The following TACC2 variants were observed in gnomAD, a reference collection of about 807,000 sequenced individuals.
The protein encoded by TACC2 is transforming acidic coiled-coil containing protein 2, also known as transforming acidic coiled-coil-containing protein 2.
A neutral mutation model predicts 227.3 loss-of-function variants in TACC2; 137 were observed. The ratio of observed to expected loss-of-function variants is 0.60; its 90% CI spans 0.52 to 0.69. TACC2 has a LOEUF of 0.69. Ranked by LOEUF, TACC2 falls within the 30% of genes least tolerant of loss-of-function variation. The probability of loss-of-function intolerance (pLI) is 0.00; values close to 1 mark genes in which losing one functional copy is unlikely to be tolerated. For synonymous variants in TACC2, 1,523 were observed against 1,487.5 expected (o/e 1.02, Z -0.55); for missense variants, 3,470 against 3,694.4 (o/e 0.94, Z 1.57).
In TACC2 at chr10:122,000,836, A is replaced by G. The variant is rs572704936; in HGVS notation, c.-46+11348A>G. 4.1e-4 allele frequency among the ~76,000 whole-genome samples: 62 copies of G among 152,084 alleles called. 1 individual carries two copies. The South Asian group carries it at 0.013, about 32-fold the overall frequency. On this transcript the variant is annotated intron_variant, in intron 1 of 22. Transcript: ENST00000369005. ...TGTTGTTTTGTTTGTTTGTTTTTTA[A>G]GAAAGTCTCACTCTGTCACTGTGTC...
At chr10:122,052,879 C>T (rs2075857186) in intron 3 of TACC2, among the ~76,000 whole-genome samples, 1 of 152,228 alleles carries the variant, frequency 6.6e-6, no homozygotes, top group African/African-American at 2.4e-5. Flanking sequence ...GAGTCCATCG[C>T]TCCTGACGGA....
intron 7 of TACC2, among the ~76,000 whole-genome samples, chr10:122,176,113 CTCTCTA>C (rs1455457685): frequency 0.011 from 580 of 54,512 alleles, no homozygotes; most frequent in Non-Finnish European, 0.012. Context: ...CTCTCTCTCT[CTCTCTA>C]TATATATATA....
chr10:122,240,759 A>G (rs1345873723), intron 18 of TACC2, among the ~76,000 whole-genome samples: 1 of 152,196 alleles, frequency 6.6e-6, no homozygotes, highest in Non-Finnish European at 1.5e-5. Context: ...TGGATAATGT[A>G]GGTGAACCCC....
At chr10:122,100,638 C>T (rs905803042) in intron 5 of TACC2, among the ~76,000 whole-genome samples, 3 of 152,108 alleles carry the variant, frequency 2.0e-5, no homozygotes, top group African/African-American at 7.2e-5. Context: ...GTGGGCCAGG[C>T]TGGTTTCGAA....
At chr10:122,132,216 G>A (rs2088416072) in intron 5 of TACC2, among the ~76,000 whole-genome samples, 2 of 152,148 alleles carry the variant, frequency 1.3e-5, no homozygotes, top group African/African-American at 4.8e-5. Flanking sequence ...GCCCTGCTCA[G>A]GATCCAGATA....
intron 10 of TACC2, among the ~76,000 whole-genome samples, chr10:122,215,749 CGAGAT>C (rs1264738142): frequency 6.6e-6 from 1 of 152,062 alleles, no homozygotes; most frequent in Non-Finnish European, 1.5e-5. Flanking sequence ...CTAGGACTGT[CGAGAT>C]GAGAAAGTCT....
At chr10:122,213,451 G>A (rs2095339026) in intron 9 of TACC2, 1 of 1,520,106 alleles carries the variant, frequency 6.6e-7, no homozygotes, top group Non-Finnish European at 9.1e-7. Flanking sequence ...CTGCTTCCAA[G>A]CCATTTTTAT....
chr10:122,227,138 A>T (rs1233179347), intron 13 of TACC2, among the ~76,000 whole-genome samples: 1 of 152,210 alleles, frequency 6.6e-6, no homozygotes, highest in African/African-American at 2.4e-5. Flanking sequence ...TACCAGAGAG[A>T]TGCTGTGTGT....
chr10:122,060,261 A>G (rs2076648443), intron 3 of TACC2, among the ~76,000 whole-genome samples: 1 of 152,160 alleles, frequency 6.6e-6, no homozygotes, highest in Non-Finnish European at 1.5e-5. Context: ...CTGGGGATGC[A>G]AGCAAGACTG....
rs764922517 is a variant in TACC2, at chr10:122,178,396, G to A, written c.5835-16644G>A. 4.6e-5 allele frequency among the ~76,000 whole-genome samples: 7 copies of A among 151,780 alleles called. No homozygotes were observed. In the East Asian group the frequency reaches 5.9e-4, roughly 13 times the overall value. ...GGATCACAGGCACACACCACCACAC[G>A]TGGCTAAGTTTTGTATTTTTAGTAG... On this transcript the variant is annotated intron_variant, in intron 7 of 22. Coordinates refer to ENST00000369005, the MANE Select transcript of TACC2 (RefSeq NM_206862.4).
At chr10:122,125,401 A>G (rs770714300) in intron 5 of TACC2, among the ~76,000 whole-genome samples, 18 of 151,434 alleles carry the variant, frequency 1.2e-4, no homozygotes, top group Admixed American at 3.9e-4. Context: ...GGGTTTTGCT[A>G]TGTTGCTCAG....
At chr10:122,197,495 A>G (rs1232502929) in intron 8 of TACC2, among the ~76,000 whole-genome samples, 5 of 152,230 alleles carry the variant, frequency 3.3e-5, no homozygotes, top group Non-Finnish European at 7.3e-5. Context: ...GCAGAGAACA[A>G]TCTCCATTCT....
At chr10:122,059,913 A>T (rs570307719) in intron 3 of TACC2, among the ~76,000 whole-genome samples, 1 of 152,178 alleles carries the variant, frequency 6.6e-6, no homozygotes, top group East Asian at 1.9e-4. Context: ...CCACTCACTG[A>T]ACTAGAAACT....
intron 8 of TACC2, among the ~76,000 whole-genome samples, chr10:122,208,551 G>A (rs2095201988): frequency 6.6e-6 from 1 of 152,228 alleles, no homozygotes; most frequent in Non-Finnish European, 1.5e-5. Flanking sequence ...TTGTTGGGAT[G>A]AGAGATAGGG....
At chr10:122,089,501 A>G (rs919234310) in intron 5 of TACC2, among the ~76,000 whole-genome samples, 15 of 152,242 alleles carry the variant, frequency 9.9e-5, no homozygotes, top group African/African-American at 3.4e-4. Flanking sequence ...TCTACATGAA[A>G]TGCCACCTAG....
At chr10:121,997,859 G>T (rs992004458) in intron 1 of TACC2, among the ~76,000 whole-genome samples, 2 of 152,060 alleles carry the variant, frequency 1.3e-5, no homozygotes, top group African/African-American at 2.4e-5. Flanking sequence ...ATGCGATCCC[G>T]ATCCAATGCT....
At chr10:121,996,308 G>A (rs1479731396) in intron 1 of TACC2, among the ~76,000 whole-genome samples, 3 of 151,996 alleles carry the variant, frequency 2.0e-5, no homozygotes, top group South Asian at 2.1e-4. Flanking sequence ...ATCCTGCCTC[G>A]ACCTCCCACA....
chr10:122,084,879 C>T lies in TACC2; in HGVS notation c.2379C>T (p.Leu793=), dbSNP rs757850175. ...QGENLAADLG[L]TALILDQDQQ... is the part of the protein sequence containing the mutation. ...AGAACTTGGCAGCAGACCTGGGGCT[C>T]ACGGCACTCATCCTGGACCAAGATC... Residue 793 remains leucine (L), a synonymous_variant, in exon 4 of 23, where the codon CTC becomes CTT. Coordinates refer to ENST00000369005, the MANE Select transcript of TACC2 (RefSeq NM_206862.4). 3 of 1,613,898 alleles carry T rather than the reference C, an allele frequency of 1.9e-6. No individual in the cohort carries two copies. The highest frequency in any genetic ancestry group is 2.7e-5 in the African/African-American group (2 of 74,918).
chr10:122,200,954 C>G (rs2094800611), intron 8 of TACC2, among the ~76,000 whole-genome samples: 2 of 148,432 alleles, frequency 1.3e-5, no homozygotes, highest in Admixed American at 1.3e-4. Context: ...CCTCACCCGC[C>G]CACAGTGGCC....
Sources: gnomAD v4.1 joint callset for allele counts (sites outside exome capture counted in the v4.1 genomes callset) on GRCh38, gnomAD v4.1.1 for gene constraint, MANE v1.5 for transcripts, NCBI Gene and HGNC (gene_info 2026-07-23, HGNC 2026-07-21) for gene names.